RBFOX1: variants seen among roughly 807,000 people sequenced by gnomAD.
RBFOX1 encodes RNA binding fox-1 homolog 1, also known as RNA binding protein fox-1 homolog 1.
In RBFOX1, 8 loss-of-function variants were observed where a neutral mutation model predicts 57.7. The observed-to-expected ratio is 0.14, with a 90% CI of 0.08 to 0.25. RBFOX1 has a LOEUF of 0.25. Among genes scored for constraint, RBFOX1 ranks in the 10% least tolerant of loss-of-function variants. The pLI, the probability that RBFOX1 is intolerant of heterozygous loss-of-function variation, is 1.00. For missense variants in RBFOX1, 611 were observed against 548.5 expected (o/e 1.11, Z -1.14); for synonymous variants, 326 against 222.4 (o/e 1.47, Z -4.15).
intron 5 of RBFOX1, among the ~76,000 whole-genome samples, chr16:7,534,899 G>A (rs1245682689): frequency 2.0e-5 from 3 of 152,128 alleles, no homozygotes; most frequent in East Asian, 1.9e-4. Flanking sequence ...TCTTTAGCTC[G>A]AATGTCAAGC....
intron 2 of RBFOX1, among the ~76,000 whole-genome samples, chr16:6,514,691 C>A (rs1278404474): frequency 1.3e-5 from 2 of 152,032 alleles, no homozygotes; most frequent in African/African-American, 4.8e-5. Flanking sequence ...CTGAAGTGTT[C>A]AAGGATCTAC....
intron 2 of RBFOX1, among the ~76,000 whole-genome samples, chr16:6,517,053 C>T (rs1468714293): frequency 1.3e-5 from 2 of 152,168 alleles, no homozygotes; most frequent in Admixed American, 6.5e-5. Flanking sequence ...TTTAGCCTCT[C>T]ATTCCAAATA....
chr16:7,047,112 A>G (rs990834165), intron 3 of RBFOX1, among the ~76,000 whole-genome samples: 1 of 148,162 alleles, frequency 6.7e-6, no homozygotes, highest in Non-Finnish European at 1.5e-5. Flanking sequence ...CCAGTCACCT[A>G]TTAACATTTA....
chr16:6,251,650 G>C (rs2097613450), intron 1 of RBFOX1, among the ~76,000 whole-genome samples: 2 of 152,096 alleles, frequency 1.3e-5, no homozygotes, highest in Non-Finnish European at 2.9e-5. Context: ...CTAAAACTCT[G>C]CTCGAAGCAC....
intron 4 of RBFOX1, among the ~76,000 whole-genome samples, chr16:7,474,172 A>G (rs553415566): frequency 1.3e-5 from 2 of 152,246 alleles, no homozygotes; most frequent in East Asian, 3.9e-4. Context: ...CTGTAGTTCC[A>G]GCTACTCAGG....
At chr16:5,322,127 C>G (rs2064428010) in intron 1 of RBFOX1, among the ~76,000 whole-genome samples, 1 of 152,202 alleles carries the variant, frequency 6.6e-6, no homozygotes. Flanking sequence ...AAAGCTCAAG[C>G]TCTGAGTCAT....
intron 4 of RBFOX1, among the ~76,000 whole-genome samples, chr16:5,949,844 A>T (rs2059484701): frequency 6.6e-6 from 1 of 152,182 alleles, no homozygotes; most frequent in Non-Finnish European, 1.5e-5. Flanking sequence ...AATCCATTCT[A>T]ACAAGCCCTG....
At chr16:7,388,444 A>G (rs982023748) in intron 4 of RBFOX1, among the ~76,000 whole-genome samples, 1 of 152,164 alleles carries the variant, frequency 6.6e-6, no homozygotes, top group Admixed American at 6.5e-5. Context: ...GCTTTGGGAT[A>G]CAACAAATAT....
intron 5 of RBFOX1, among the ~76,000 whole-genome samples, chr16:7,540,504 A>G (rs62009890): frequency 0.13 from 19,172 of 152,234 alleles, 1,281 homozygotes; most frequent in African/African-American, 0.18. Flanking sequence ...GAGGGTAGTT[A>G]TGAAGACAAC....
chr16:7,682,782 A>T (rs2075097312), intron 14 of RBFOX1, among the ~76,000 whole-genome samples: 1 of 150,724 alleles, frequency 6.6e-6, no homozygotes, highest in Non-Finnish European at 1.5e-5. Flanking sequence ...ATGTATAAAC[A>T]CACACTTTTT....
intron 3 of RBFOX1, among the ~76,000 whole-genome samples, chr16:6,910,183 C>G (rs1045755745): frequency 1.3e-5 from 2 of 151,930 alleles, no homozygotes; most frequent in Admixed American, 6.6e-5. Context: ...AAAGCAGACT[C>G]AAGCAGAAAA....
intron 1 of RBFOX1, among the ~76,000 whole-genome samples, chr16:5,382,776 T>G (rs1281288075): frequency 6.6e-6 from 1 of 152,260 alleles, no homozygotes; most frequent in East Asian, 1.9e-4. Flanking sequence ...AAACATCAGA[T>G]AATTTATTGA....
Position 7,137,840 on chromosome 16 carries a change from C to G in RBFOX1, c.27+85742C>G, listed in dbSNP as rs147991317. On this transcript the variant is annotated intron_variant, in intron 4 of 15. Transcript: ENST00000550418. The stretch of plus-strand genomic sequence containing the variant: ...ATCTGCAAATGTATGTGCACAGGCT[C>G]ACTACATGTTTTGGCTGATTTTTAT... Among the ~76,000 whole-genome samples the G allele has an allele frequency of 9.2e-5, 14 of 152,320 alleles. No homozygotes were observed. The East Asian group carries it at 2.3e-3, about 25-fold the overall frequency.
chr16:5,897,313 G>A (rs930707932), intron 4 of RBFOX1, among the ~76,000 whole-genome samples: 3 of 152,062 alleles, frequency 2.0e-5, no homozygotes, highest in African/African-American at 7.2e-5. Context: ...GGGATTACAG[G>A]CGTGAGCCAC....
rs114193997 is a variant in RBFOX1, at chr16:6,710,706, G to T, written c.-16+56056G>T. 4.6e-3 allele frequency among the ~76,000 whole-genome samples: 696 copies of T among 152,322 alleles called. 5 individuals are homozygous for T. Among genetic ancestry groups the T allele is most frequent in the African/African-American group, 0.016 (654 of 41,566 alleles). On this transcript the variant is annotated intron_variant, in intron 3 of 15. Coordinates refer to ENST00000550418, the MANE Select transcript of RBFOX1 (RefSeq NM_018723.4). ...CAGTTTGGAAATTCCCCACATCAAG[G>T]CCCTGCTTGCCCTCGGGTGGCCCAT...
At chr16:6,829,376 C>G (rs530415378) in intron 3 of RBFOX1, among the ~76,000 whole-genome samples, 1 of 150,602 alleles carries the variant, frequency 6.6e-6, no homozygotes, top group Admixed American at 6.6e-5. Context: ...CACACACATA[C>G]ATACACAGAC....
At chr16:7,376,572 A>T (rs2097689525) in intron 4 of RBFOX1, among the ~76,000 whole-genome samples, 1 of 152,112 alleles carries the variant, frequency 6.6e-6, no homozygotes, top group Admixed American at 6.6e-5. Context: ...TCTGGGTTAG[A>T]CCTCCAGCTA....
At chr16:6,684,575 C>G (rs912563811) in intron 3 of RBFOX1, among the ~76,000 whole-genome samples, 3 of 152,196 alleles carry the variant, frequency 2.0e-5, no homozygotes, top group South Asian at 2.1e-4. Context: ...GCAATCCCCT[C>G]TGTCCTTGAA....
At position 5,322,884 on chromosome 16, in the gene RBFOX1, C is replaced by T. The variant is rs570284009; in HGVS notation, c.219+82779C>T. 3.3e-5 allele frequency among the ~76,000 whole-genome samples: 5 copies of T among 152,302 alleles called. 1 individual carries two copies. Among genetic ancestry groups the T allele is most frequent in the African/African-American group, 1.2e-4 (5 of 41,562 alleles). ...ACTCACCTGTCATACTGATTGTTTT[C>T]AGTGGTTTCTCTTCCGGCATGAATG... is the stretch of plus-strand genomic sequence containing the variant. On this transcript the variant is annotated intron_variant, in intron 1 of 2. Coordinates refer to the RBFOX1 transcript ENST00000585867.
Sources: allele counts gnomAD v4.1 joint callset (sites outside exome capture counted in the v4.1 genomes callset), GRCh38; gene constraint gnomAD v4.1.1; transcripts MANE v1.5; gene names NCBI Gene and HGNC (gene_info 2026-07-23, HGNC 2026-07-21).